Variants in CNTNAP2 observed in about 807,000 individuals in gnomAD.
The protein encoded by CNTNAP2 is contactin-associated protein-like 2.
A neutral mutation model predicts 155.2 loss-of-function variants in CNTNAP2; 98 were observed. The ratio of observed to expected loss-of-function variants is 0.63; its 90% CI spans 0.54 to 0.75. The LOEUF is 0.75. Ranked by LOEUF, CNTNAP2 falls within the 30% of genes least tolerant of loss-of-function variation. The pLI is 0.00. For synonymous variants in CNTNAP2, 651 were observed against 631.2 expected (o/e 1.03, Z -0.47); for missense variants, 1,727 against 1,688.1 (o/e 1.02, Z -0.40).
chr7:148,369,344 G>T (rs1798846223), intron 21 of CNTNAP2, among the ~76,000 whole-genome samples: 1 of 151,320 alleles, frequency 6.6e-6, no homozygotes, highest in Non-Finnish European at 1.5e-5. Context: ...AATTACAGGG[G>T]TGTGCCACTA....
intron 13 of CNTNAP2, among the ~76,000 whole-genome samples, chr7:147,725,952 A>G (rs981909938): frequency 6.6e-6 from 1 of 152,052 alleles, no homozygotes; most frequent in Admixed American, 6.6e-5. Flanking sequence ...AAAGCTTTGT[A>G]TATTATCCCT....
chr7:147,073,019 A>T (rs1396615516), intron 4 of CNTNAP2, among the ~76,000 whole-genome samples: 3 of 150,066 alleles, frequency 2.0e-5, no homozygotes, highest in Non-Finnish European at 4.4e-5. Flanking sequence ...CGCCCGGCTA[A>T]TTTTTTGCAT....
At chr7:146,820,113 C>T (rs1803249364) in intron 2 of CNTNAP2, among the ~76,000 whole-genome samples, 1 of 152,268 alleles carries the variant, frequency 6.6e-6, no homozygotes, top group East Asian at 1.9e-4. Flanking sequence ...GCATCTCATG[C>T]TTTCTGAATT....
chr7:147,060,667 T>TC (rs1448824832), intron 4 of CNTNAP2, among the ~76,000 whole-genome samples: 44 of 151,874 alleles, frequency 2.9e-4, no homozygotes, highest in East Asian at 5.8e-4. Flanking sequence ...ATAGAGACCA[T>TC]CTGGCTAACA....
chr7:146,174,514 C>T (rs1316861551), intron 1 of CNTNAP2, among the ~76,000 whole-genome samples: 1 of 152,092 alleles, frequency 6.6e-6, no homozygotes, highest in Non-Finnish European at 1.5e-5. Flanking sequence ...AGCCAATGCA[C>T]ACAGCCTATA....
chr7:148,038,184 A>G (rs1183263347), intron 15 of CNTNAP2, among the ~76,000 whole-genome samples: 3 of 152,242 alleles, frequency 2.0e-5, no homozygotes, highest in Non-Finnish European at 2.9e-5. Flanking sequence ...AATCTAAACT[A>G]TAGAGCATGG....
chr7:146,278,152 G>C (rs897749166), intron 1 of CNTNAP2, among the ~76,000 whole-genome samples: 38 of 152,048 alleles, frequency 2.5e-4, no homozygotes, highest in African/African-American at 9.2e-4. Context: ...AGTTTTAGAT[G>C]GGCTAATACA....
At position 147,056,640 on chromosome 7, in the gene CNTNAP2, C is replaced by T. The variant is rs117872327; in HGVS notation, c.550+12586C>T. Among the ~76,000 whole-genome samples, 1,283 of 152,214 alleles carry T rather than the reference C, an allele frequency of 8.4e-3. 13 individuals are homozygous for T. Among genetic ancestry groups the T allele is most frequent in the Middle Eastern group, 0.027 (8 of 294 alleles). On this transcript the variant is annotated intron_variant, in intron 4 of 23. Transcript: ENST00000361727. ...GTATACTTACTAATGCTAAAGTTAA[C>T]GAACAAAAGCAAGGTTAGTAATTTT...
chr7:146,725,259 C>G (rs1349164147), intron 1 of CNTNAP2, among the ~76,000 whole-genome samples: 1 of 152,098 alleles, frequency 6.6e-6, no homozygotes, highest in Non-Finnish European at 1.5e-5. Context: ...CTACAAAGAC[C>G]CTATTTCCAC....
chr7:147,919,459 C>CTTTTTTTTTTTTTTTTT (rs796710849), intron 14 of CNTNAP2, among the ~76,000 whole-genome samples: 3 of 51,222 alleles, frequency 5.9e-5, no homozygotes, highest in African/African-American at 1.1e-4. Context: ...CTTTTTCTTT[C>CTTTTTTTTTTTTTTTTT]TTTTTTTTTT....
chr7:146,228,148 A>G (rs929981346), intron 1 of CNTNAP2, among the ~76,000 whole-genome samples: 3 of 152,234 alleles, frequency 2.0e-5, no homozygotes, highest in African/African-American at 7.2e-5. Context: ...AAAGCACTAT[A>G]GCGTTATAGC....
intron 8 of CNTNAP2, chr7:147,167,345 C>A: frequency 1.5e-6 from 1 of 663,936 alleles, no homozygotes; most frequent in African/African-American, 1.9e-5. Context: ...ACTGTTTCTG[C>A]CGAAAGAAGA....
At chr7:148,246,729 G>A (rs1290571685) in intron 20 of CNTNAP2, among the ~76,000 whole-genome samples, 1 of 152,192 alleles carries the variant, frequency 6.6e-6, no homozygotes, top group African/African-American at 2.4e-5. Flanking sequence ...AAGACTTATT[G>A]ATCAATGAAT....
At chr7:147,365,216 CA>C (rs1796207520) in intron 9 of CNTNAP2, among the ~76,000 whole-genome samples, 1 of 151,118 alleles carries the variant, frequency 6.6e-6, no homozygotes, top group Admixed American at 6.6e-5. Context: ...CAAGCCTGGC[CA>C]ACATGGTGAA....
rs754518034 is a variant in CNTNAP2 at position 147,193,952 on chromosome 7, G to GT, written c.1348+61453dup. 1.1e-3 allele frequency among the ~76,000 whole-genome samples: 153 copies of GT among 142,348 alleles called. 2 individuals carry two copies. The East Asian group carries it at 0.017, about 16-fold the overall frequency. The allele number at this position is 142,348 out of a possible 152,430, so 93.4% of individuals were successfully genotyped here. The stretch of plus-strand genomic sequence containing the variant: ...TGAATGCCAATAATTATCTTAGATT[G>GT]TTTTTTTTTTCTTCTAAAAAAAAGT... On this transcript the variant is annotated intron_variant, in intron 8 of 23. Coordinates refer to ENST00000361727, the MANE Select transcript of CNTNAP2 (RefSeq NM_014141.6).
chr7:146,527,109 T>C (rs1797702324), intron 1 of CNTNAP2, among the ~76,000 whole-genome samples: 1 of 152,042 alleles, frequency 6.6e-6, no homozygotes, highest in Admixed American at 6.6e-5. Context: ...AAAAAATCCC[T>C]CCTCTTCTTT....
chr7:148,227,511 A>G (rs1439436830), intron 19 of CNTNAP2, among the ~76,000 whole-genome samples: 1 of 152,232 alleles, frequency 6.6e-6, no homozygotes, highest in Non-Finnish European at 1.5e-5. Context: ...GGTAAAGCAC[A>G]GGTGAGGATG....
chr7:146,151,982 C>A (rs957756418), intron 1 of CNTNAP2, among the ~76,000 whole-genome samples: 25 of 151,344 alleles, frequency 1.7e-4, no homozygotes, highest in Admixed American at 6.6e-4. Context: ...AAAAAAAGAA[C>A]TACCATATGA....
intron 9 of CNTNAP2, among the ~76,000 whole-genome samples, chr7:147,324,811 A>G (rs1220486862): frequency 6.6e-6 from 1 of 151,902 alleles, no homozygotes; most frequent in African/African-American, 2.4e-5. Flanking sequence ...TAAGTACTCT[A>G]TTAATTTTCA....
Sources: allele counts gnomAD v4.1 joint callset (sites outside exome capture counted in the v4.1 genomes callset), GRCh38; gene constraint gnomAD v4.1.1; transcripts MANE v1.5; gene names NCBI Gene and HGNC (gene_info 2026-07-23, HGNC 2026-07-21).